The following ADSS1 variants were observed in gnomAD, a reference collection of about 807,000 sequenced individuals.
ADSS1 encodes the protein adenylosuccinate synthetase isozyme 1.
ADSS1 carries 57 observed loss-of-function variants against 59.1 expected under a neutral mutation model. That is an observed-to-expected ratio of 0.97 (90% confidence interval 0.78 to 1.20). The LOEUF (loss-of-function observed/expected upper bound fraction) is 1.20, where lower values mean the gene tolerates loss of function less well. ADSS1 is among the 50% of genes most tolerant of loss of function. The pLI is 0.00. For missense variants in ADSS1, 603 were observed against 610.3 expected (o/e 0.99, Z 0.13); for synonymous variants, 247 against 249.4 (o/e 0.99, Z 0.09).
At chr14:104,735,682 T>C (rs1891094567) in intron 2 of ADSS1, among the ~76,000 whole-genome samples, 1 of 152,288 alleles carries the variant, frequency 6.6e-6, no homozygotes, top group South Asian at 2.1e-4. Context: ...CCACATCGCC[T>C]GCCCCCTCCT....
At position 104,736,883 on chromosome 14, in the gene ADSS1, TATATATATATATA is replaced by T. The variant is rs1310084786; in HGVS notation, c.296-1492_296-1480del. On this transcript the variant is annotated intron_variant, in intron 2 of 12. Coordinates refer to ENST00000330877, the MANE Select transcript of ADSS1 (RefSeq NM_152328.5). ...GGCTTATGCCACCGCACCTAGCTGA[TATATATATATATA>T]TATATATATATATATATGCATTTTT... is the stretch of plus-strand genomic sequence containing the variant. Among the ~76,000 whole-genome samples the T allele has an allele frequency of 2.7e-4, 12 of 44,142 alleles. 1 individual carries two copies. The highest frequency in any genetic ancestry group is 1.5e-3 in the African/African-American group (12 of 7,760). The allele number at this position is 44,142 out of a possible 152,430, so 29.0% of individuals were successfully genotyped here. A position where few individuals can be genotyped will look rare whatever the true frequency, so the allele number is the denominator to read the frequency against.
Position 104,739,735 on chromosome 14 carries a change from T to C in ADSS1, c.410-15T>C. The C allele has an allele frequency of 6.2e-7, 1 of 1,613,806 alleles. No individual in the cohort carries two copies. Among genetic ancestry groups the C allele is most frequent in the Non-Finnish European group, 8.5e-7 (1 of 1,179,944 alleles). On this transcript the variant is annotated splice_polypyrimidine_tract_variant and intron_variant, in intron 4 of 12. Coordinates refer to ENST00000330877, the MANE Select transcript of ADSS1 (RefSeq NM_152328.5). ...TCTCCTGTCTCCTGCTGCCCTCACC[T>C]GGCCCGCCCGACAGTGTTTGATTTT...
At chr14:104,732,971 C>A (rs1890985013) in intron 1 of ADSS1, among the ~76,000 whole-genome samples, 1 of 152,162 alleles carries the variant, frequency 6.6e-6, no homozygotes. Context: ...CAGGGCCTGC[C>A]CCGTCCCGAT....
At chr14:104,744,251 G>A (rs8011805) in intron 10 of ADSS1, 5,432 of 153,696 alleles carry the variant, frequency 0.035, 330 homozygotes, top group African/African-American at 0.12. Flanking sequence ...GGGGGCACTC[G>A]AGGTACAGGG....
Position 104,743,238 on chromosome 14 carries a change from C to T in ADSS1, c.1073+47C>T, listed in dbSNP as rs373732438. On this transcript the variant is annotated intron_variant, in intron 10 of 12. Transcript: ENST00000330877. ...CCCCACTGGGACCGTCCCTGACTCC[C>T]GACACCTGCAGAGGCAAGCAGCACT... 1.4e-5 allele frequency: 22 copies of T among 1,597,108 alleles called. No individual in the cohort carries two copies. The Admixed American group carries it at 1.5e-4, about 11-fold the overall frequency.
chr14:104,736,147 G>A (rs552811140), intron 2 of ADSS1, among the ~76,000 whole-genome samples: 1 of 152,348 alleles, frequency 6.6e-6, no homozygotes, highest in African/African-American at 2.4e-5. Context: ...CATCCCCTGG[G>A]GTGCAGACCC....
At chr14:104,746,120 C>G in intron 11 of ADSS1, 116 bp from the exon 12 acceptor site, 1 of 1,389,412 alleles carries the variant, frequency 7.2e-7, no homozygotes, top group Non-Finnish European at 9.7e-7. Flanking sequence ...GCCTTCCTTG[C>G]AGCTGAGTCC....
At chr14:104,731,230 C>G (rs11848612) in intron 1 of ADSS1, among the ~76,000 whole-genome samples, 74,516 of 152,048 alleles carry the variant, frequency 0.49, 18,676 homozygotes, top group East Asian at 0.61. Context: ...GAGAGTTGGG[C>G]GCTTACCTTA....
chr14:104,741,959 C>T lies in ADSS1; in HGVS notation c.905C>T (p.Thr302Ile), dbSNP rs2140816973. The T allele has an allele frequency of 6.2e-7, 1 of 1,613,344 alleles. No individual in the cohort carries two copies. The highest frequency in any genetic ancestry group is 8.5e-7 in the Non-Finnish European group (1 of 1,179,996). The change falls in exon 9 of 13, where the codon ACC becomes ATC. Residue 302 changes from threonine to isoleucine, a missense_variant. Physicochemically the swap from Thr to Ile is moderately conservative, Grantham distance 89 (BLOSUM62 -1). Coordinates refer to ENST00000330877, the MANE Select transcript of ADSS1 (RefSeq NM_152328.5). The part of the protein sequence containing the change: ...GDVYGVVKAY[T>I]TRVGIGAFPT... ...GTGTATGGCGTGGTGAAAGCCTATA[C>T]CACACGTGTGGGCATCGGGGCCTTC...
rs78395910 is a variant in ADSS1, at chr14:104,742,636, C to T, written c.949-431C>T. ...CTGGGAAAGCCAACACGGGGAGGGG[C>T]GGACGCCATCCAGAGAGGCTTGAGA... is the stretch of plus-strand genomic sequence containing the variant. On this transcript the variant is annotated intron_variant, in intron 9 of 12. Coordinates refer to ENST00000330877, the MANE Select transcript of ADSS1 (RefSeq NM_152328.5). Among the ~76,000 whole-genome samples the T allele has an allele frequency of 0.019, 2,940 of 152,308 alleles. 248 individuals are homozygous for T. The East Asian group carries it at 0.24, about 12-fold the overall frequency.
In ADSS1 at chr14:104,746,398, C is replaced by T. The variant is rs1891560151; in HGVS notation, c.1321+13C>T. The T allele has an allele frequency of 6.2e-7, 1 of 1,605,738 alleles. No homozygotes were observed. The highest frequency in any genetic ancestry group is 1.1e-5 in the South Asian group (1 of 90,672). ...GTGGGAGTCGCAGGTGGGTGCCCTG[C>T]ATCCCCAGCCACCCTCCCTGCACCC... On this transcript the variant is annotated intron_variant, in intron 12 of 12. Coordinates refer to ENST00000330877, the MANE Select transcript of ADSS1 (RefSeq NM_152328.5).
intron 9 of ADSS1, among the ~76,000 whole-genome samples, chr14:104,742,838 G>A (rs538250232): frequency 2.6e-5 from 4 of 152,306 alleles, no homozygotes; most frequent in East Asian, 3.9e-4. Flanking sequence ...AGCGCTCGCC[G>A]GCTCGGGTGG....
chr14:104,724,240 C>A lies in ADSS1; in HGVS notation c.-31C>A, dbSNP rs570126709. 4 of 1,222,872 alleles carry A rather than the reference C, an allele frequency of 3.3e-6. No individual in the cohort carries two copies. In the African/African-American group the frequency reaches 4.7e-5, roughly 14 times the overall value. The allele number at this position is 1,222,872 out of a possible 1,614,324, so 75.8% of individuals were successfully genotyped here. A position where few individuals can be genotyped will look rare whatever the true frequency, so the allele number is the denominator to read the frequency against. ...ACGCCGGCGGCGGCGGGCTCCTGGC[C>A]GGGCCAGCGCAGCGGAAGAGCCAAG... On this transcript the variant is annotated 5_prime_UTR_variant, in exon 1 of 13. Transcript: ENST00000330877.
chr14:104,737,048 G>C (rs1335656568), intron 2 of ADSS1: 4 of 151,674 alleles, frequency 2.6e-5, no homozygotes, highest in Non-Finnish European at 5.9e-5. Context: ...TGCCCCACCA[G>C]AGCGGTGCAT....
At chr14:104,742,264 C>T (rs1156773425) in intron 9 of ADSS1, among the ~76,000 whole-genome samples, 1 of 152,270 alleles carries the variant, frequency 6.6e-6, no homozygotes, top group Admixed American at 6.5e-5. Flanking sequence ...CCTCGTTCCC[C>T]TCGGAGTGTG....
intron 3 of ADSS1, 73 bp from the exon 4 acceptor site, chr14:104,739,255 A>G (rs1891241751): frequency 6.6e-7 from 1 of 1,506,462 alleles, no homozygotes; most frequent in African/African-American, 1.4e-5. Context: ...GAGCTAGCCC[A>G]GCTCTGGCCC....
At chr14:104,742,718 G>T (rs990856333) in intron 9 of ADSS1, among the ~76,000 whole-genome samples, 2 of 152,260 alleles carry the variant, frequency 1.3e-5, no homozygotes, top group Non-Finnish European at 2.9e-5. Context: ...AAGCCAAGCT[G>T]CAGGGCCAGG....
chr14:104,731,707 G>A (rs966879877), intron 1 of ADSS1, among the ~76,000 whole-genome samples: 1 of 152,212 alleles, frequency 6.6e-6, no homozygotes, highest in African/African-American at 2.4e-5. Flanking sequence ...TGCCTGAGCA[G>A]GGCTGTCCCG....
rs748179041 is a variant in ADSS1 at position 104,741,248 on chromosome 14, G to A, written c.793+5G>A. 3.8e-6 allele frequency: 6 copies of A among 1,560,790 alleles called. No homozygotes were observed. In the Admixed American group the frequency reaches 5.8e-5, roughly 15 times the overall value. On this transcript the variant is annotated splice_donor_5th_base_variant and intron_variant, in intron 8 of 12. Transcript: ENST00000330877. ...CCCTCCTCGACATTGACTTCGGTAT[G>A]TCCGGGAGGGTGTGCGTGCCAACGA...
Sources: gnomAD v4.1 joint callset for allele counts (sites outside exome capture counted in the v4.1 genomes callset) on GRCh38, gnomAD v4.1.1 for gene constraint, MANE v1.5 for transcripts, NCBI Gene and HGNC (gene_info 2026-07-23, HGNC 2026-07-21) for gene names.